ACOXL: variants seen among roughly 807,000 people sequenced by gnomAD.
The protein encoded by ACOXL is acyl-CoA oxidase like.
A neutral mutation model predicts 71.9 loss-of-function variants in ACOXL; 70 were observed. The observed-to-expected ratio is 0.97, with a 90% CI of 0.80 to 1.19. ACOXL has a LOEUF of 1.19. Ranked by LOEUF, ACOXL falls within the 50% of genes most tolerant of loss-of-function variation. ACOXL has a pLI of 0.00. For missense variants in ACOXL, 703 were observed against 736.3 expected (o/e 0.95, Z 0.52); for synonymous variants, 253 against 281.6 (o/e 0.90, Z 1.02).
At chr2:110,895,126 C>T (rs2058955952) in intron 10 of ACOXL, among the ~76,000 whole-genome samples, 1 of 151,932 alleles carries the variant, frequency 6.6e-6, no homozygotes, top group Non-Finnish European at 1.5e-5. Context: ...TTTAAAGCAG[C>T]CATCATAAAA....
chr2:111,107,320 C>A (rs755494691), intron 17 of ACOXL, among the ~76,000 whole-genome samples: 1 of 152,152 alleles, frequency 6.6e-6, no homozygotes, highest in Non-Finnish European at 1.5e-5. Context: ...TCCTAGATAG[C>A]CTGATTTCTC....
At chr2:110,835,670 G>C (rs1346086748) in intron 9 of ACOXL, among the ~76,000 whole-genome samples, 1 of 152,192 alleles carries the variant, frequency 6.6e-6, no homozygotes, top group African/African-American at 2.4e-5. Context: ...AATGTGAAAG[G>C]CTTCACTTTG....
chr2:110,891,305 T>G (rs1370375247), intron 10 of ACOXL, among the ~76,000 whole-genome samples: 1 of 152,166 alleles, frequency 6.6e-6, no homozygotes, highest in Non-Finnish European at 1.5e-5. Flanking sequence ...GTTATAAGTA[T>G]TTAAAAAGTC....
chr2:110,820,918 T>C (rs1688520476), intron 9 of ACOXL, among the ~76,000 whole-genome samples: 1 of 152,058 alleles, frequency 6.6e-6, no homozygotes, highest in Admixed American at 6.5e-5. Flanking sequence ...GAGACTGGGA[T>C]TGGGAATATG....
At chr2:110,842,658 T>G (rs1691317706) in intron 10 of ACOXL, among the ~76,000 whole-genome samples, 1 of 152,164 alleles carries the variant, frequency 6.6e-6, no homozygotes, top group South Asian at 2.1e-4. Flanking sequence ...CTTAACAAAC[T>G]TAGCCTGTTT....
At chr2:110,999,278 G>C (rs1481812584) in intron 14 of ACOXL, among the ~76,000 whole-genome samples, 1 of 152,042 alleles carries the variant, frequency 6.6e-6, no homozygotes, top group East Asian at 1.9e-4. Context: ...CTGTCGTATT[G>C]CATTAGGGCC....
intron 12 of ACOXL, among the ~76,000 whole-genome samples, chr2:110,966,910 G>C (rs991330890): frequency 1.5e-4 from 23 of 152,202 alleles, no homozygotes; most frequent in African/African-American, 5.3e-4. Flanking sequence ...TAGCAGGAAA[G>C]TGAACATATA....
Position 110,987,098 on chromosome 2 carries a change from CT to C in ACOXL, c.1060-7del. 1.3e-6 allele frequency: 2 copies of C among 1,559,446 alleles called. No homozygotes were observed. The highest frequency in any genetic ancestry group is 8.7e-7 in the Non-Finnish European group (1 of 1,149,466). On this transcript the variant is annotated splice_polypyrimidine_tract_variant and intron_variant, in intron 12 of 17. Transcript: ENST00000439055. The stretch of plus-strand genomic sequence containing the variant: ...TGCTGAGACTGATGAGCGATAAACT[CT>C]TTGCACAGGTTGTGGGGCGGGAACT...
chr2:111,095,396 T>TC (rs1179636649), intron 17 of ACOXL, among the ~76,000 whole-genome samples: 36 of 144,800 alleles, frequency 2.5e-4, no homozygotes, highest in Admixed American at 3.4e-4. Context: ...TTTTTCTTTT[T>TC]TTTTTTTTTT....
At chr2:110,823,713 C>A (rs568472739) in intron 9 of ACOXL, among the ~76,000 whole-genome samples, 14 of 152,308 alleles carry the variant, frequency 9.2e-5, no homozygotes, top group African/African-American at 3.4e-4. Context: ...TCCCTGATGA[C>A]AAATGATGTT....
chr2:110,941,709 T>C (rs2060876139), intron 12 of ACOXL, among the ~76,000 whole-genome samples: 1 of 152,198 alleles, frequency 6.6e-6, no homozygotes, highest in Non-Finnish European at 1.5e-5. Context: ...TAAAATTCTA[T>C]ATCCAACAAA....
At chr2:110,860,900 G>A (rs192812068) in intron 10 of ACOXL, among the ~76,000 whole-genome samples, 13 of 152,316 alleles carry the variant, frequency 8.5e-5, no homozygotes, top group Non-Finnish European at 1.2e-4. Flanking sequence ...TGTTCTCACA[G>A]ATCGGAGTCC....
chr2:111,075,790 C>T (rs2067571665), intron 16 of ACOXL, among the ~76,000 whole-genome samples: 1 of 152,042 alleles, frequency 6.6e-6, no homozygotes, highest in Non-Finnish European at 1.5e-5. Flanking sequence ...CTTCTAATTT[C>T]CCTTGAGACT....
In ACOXL at chr2:110,794,077, A is replaced by G; in HGVS notation, c.248A>G (p.Glu83Gly). 6.2e-7 allele frequency: 1 copy of G among 1,614,140 alleles called. No homozygotes were observed. The highest frequency in any genetic ancestry group is 2.2e-5 in the East Asian group (1 of 44,880). The change falls in exon 5 of 18, where the codon GAG becomes GGG. Residue 83 changes from glutamate to glycine, a missense_variant and splice_region_variant. By Grantham distance (98) the Glu-to-Gly change is moderately conservative. Coordinates refer to ENST00000439055, the MANE Select transcript of ACOXL (RefSeq NM_001142807.4). Reference protein sequence around the residue: ...HVTKWFQPLQEQKYTGMFAMT... With the variant: ...HVTKWFQPLQGQKYTGMFAMT... ...CTTCTAACATCTGGTAAACTCCAGG[A>G]GCAGAAATACACTGGGATGTTTGCA... is the stretch of plus-strand genomic sequence containing the variant.
At chr2:111,013,067 G>T (rs937409588) in intron 14 of ACOXL, among the ~76,000 whole-genome samples, 5 of 152,052 alleles carry the variant, frequency 3.3e-5, no homozygotes, top group African/African-American at 1.2e-4. Flanking sequence ...AAAAGATAAA[G>T]TACAAATTAA....
chr2:110,921,311 A>G (rs2060058809), intron 11 of ACOXL, among the ~76,000 whole-genome samples: 1 of 146,570 alleles, frequency 6.8e-6, no homozygotes, highest in Non-Finnish European at 1.5e-5. Context: ...ATCTGCTCCA[A>G]TCTTTATTTC....
intron 12 of ACOXL, among the ~76,000 whole-genome samples, chr2:110,981,476 C>T (rs2062706362): frequency 6.6e-6 from 1 of 152,192 alleles, no homozygotes; most frequent in Non-Finnish European, 1.5e-5. Flanking sequence ...TGAGCGATTC[C>T]ATGAACTACC....
At chr2:110,841,480 G>A in intron 10 of ACOXL, 75 bp downstream of exon 10, 1 of 1,275,734 alleles carries the variant, frequency 7.8e-7, no homozygotes, top group Non-Finnish European at 1.1e-6. Context: ...TTATGTCTCA[G>A]ATTTTGAGCT....
intron 3 of ACOXL, among the ~76,000 whole-genome samples, chr2:110,789,804 C>G (rs1457540963): frequency 6.6e-6 from 1 of 152,204 alleles, no homozygotes; most frequent in Admixed American, 6.5e-5. Flanking sequence ...GAAATTTGCT[C>G]TTGGAATTAG....
Sources: gnomAD v4.1 joint callset for allele counts (sites outside exome capture counted in the v4.1 genomes callset) on GRCh38, gnomAD v4.1.1 for gene constraint, MANE v1.5 for transcripts, NCBI Gene and HGNC (gene_info 2026-07-23, HGNC 2026-07-21) for gene names.